The following WDR75 variants were observed in gnomAD, a reference collection of about 807,000 sequenced individuals.
WDR75 encodes the protein WD repeat domain 75, also known as WD repeat-containing protein 75.
WDR75 carries 52 observed loss-of-function variants against 106.1 expected under a neutral mutation model. That is an observed-to-expected ratio of 0.49 (90% CI 0.39 to 0.62). WDR75 has a LOEUF of 0.62. Among genes scored for constraint, WDR75 ranks in the 20% least tolerant of loss-of-function variants. The probability of loss-of-function intolerance (pLI) is 0.00; values close to 1 mark genes in which losing one functional copy is unlikely to be tolerated. For synonymous variants in WDR75, 333 were observed against 335.5 expected, an observed-to-expected ratio of 0.99 and a Z score of 0.08; for missense variants, 905 against 970.3, an observed-to-expected ratio of 0.93 and a Z score of 0.89.
chr2:189,464,054 T>G (rs1686952750), intron 11 of WDR75, 93 bp downstream of exon 11: 1 of 1,025,358 alleles, frequency 9.8e-7, no homozygotes, highest in South Asian at 1.4e-5. Context: ...TAAAACAAGA[T>G]CCTGTGCATA....
chr2:189,455,339 A>C lies in WDR75; in HGVS notation c.393A>C (p.Ser131=), dbSNP rs906665752. The C allele has an allele frequency of 1.9e-6, 3 of 1,613,996 alleles. No homozygotes were observed. The highest frequency in any genetic ancestry group is 1.7e-5 in the Admixed American group (1 of 59,996). ...KEKPDIFQLV[S]VKLPKSSSQE... ...GGCTAGATATATTTCAGCTGGTTTC[A>C]GTGAAACTGCCAAAATCCTCAAGCC... Residue 131 remains serine, a synonymous_variant, in exon 5 of 21, where the codon TCA becomes TCC. Coordinates refer to ENST00000314761, the MANE Select transcript of WDR75 (RefSeq NM_032168.3).
chr2:189,466,521 T>C lies in WDR75; in HGVS notation c.1386T>C (p.Val462=). 6.2e-7 allele frequency: 1 copy of C among 1,613,370 alleles called. No individual in the cohort carries two copies. The highest frequency in any genetic ancestry group is 8.5e-7 in the Non-Finnish European group (1 of 1,179,462). The change falls in exon 13 of 21, where the codon GTT becomes GTC. Residue 462 remains valine, a synonymous_variant. Coordinates refer to ENST00000314761, the MANE Select transcript of WDR75 (RefSeq NM_032168.3). ...NAEKSEQPTL[V]TASKDGYFKV... is the part of the protein sequence containing the mutation. ...AAAAATCTGAACAGCCCACCTTGGT[T>C]ACAGCTAGCAAAGATGGTTACTTCA...
intron 11 of WDR75, among the ~76,000 whole-genome samples, 172 bp from the exon 12 acceptor site, chr2:189,464,907 A>G (rs1479777471): frequency 2.0e-5 from 3 of 152,060 alleles, no homozygotes; most frequent in Non-Finnish European, 4.4e-5. Flanking sequence ...TTTAATGGCA[A>G]TTTTGGTGTC....
rs1428134527 is a variant in WDR75, at chr2:189,467,498, T to C, written c.1478T>C (p.Val493Ala). Residue 493 changes from valine to alanine, a missense_variant, in exon 14 of 21, where the codon GTT becomes GCT. By Grantham distance (64) the Val-to-Ala change is moderately conservative. Coordinates refer to ENST00000314761, the MANE Select transcript of WDR75 (RefSeq NM_032168.3). ...KKAVGWTCDF[V>A]GSYHKYQATN... ...GCTGTTGGCTGGACCTGTGACTTTGTTGGTAGTTATCACAAGTATCAAGCA... is the reference window on the plus strand; with the variant it reads ...GCTGTTGGCTGGACCTGTGACTTTGCTGGTAGTTATCACAAGTATCAAGCA... The C allele has an allele frequency of 6.2e-7, 1 of 1,603,812 alleles. No homozygotes were observed. Among genetic ancestry groups the C allele is most frequent in the Non-Finnish European group, 8.5e-7 (1 of 1,175,644 alleles).
At chr2:189,467,821 A>G (rs116384530) in intron 14 of WDR75, among the ~76,000 whole-genome samples, 173 bp downstream of exon 14, 4,094 of 152,274 alleles carry the variant, frequency 0.027, 72 homozygotes, top group Admixed American at 0.044. Flanking sequence ...CTGTGCCAAC[A>G]TTTCTGAAAT....
At chr2:189,467,705 T>C in intron 14 of WDR75, 57 bp downstream of exon 14, 8 of 1,454,592 alleles carry the variant, frequency 5.5e-6, no homozygotes, top group Non-Finnish European at 7.3e-6. Context: ...TAAACAAGTC[T>C]TAAAACTTTA....
At chr2:189,446,051 T>C (rs1175929242) in intron 1 of WDR75, among the ~76,000 whole-genome samples, 1 of 152,132 alleles carries the variant, frequency 6.6e-6, no homozygotes, top group Non-Finnish European at 1.5e-5. Flanking sequence ...CCCACCACTG[T>C]CTCAAGGAAG....
At chr2:189,470,978 A>C in intron 18 of WDR75, 100 bp downstream of exon 18, 1 of 848,476 alleles carries the variant, frequency 1.2e-6, no homozygotes, top group Non-Finnish European at 1.7e-6. Flanking sequence ...CTTGGCCCTA[A>C]AATAGAATTA....
chr2:189,461,148 A>T (rs554281088), intron 8 of WDR75, among the ~76,000 whole-genome samples: 1 of 152,228 alleles, frequency 6.6e-6, no homozygotes, highest in Non-Finnish European at 1.5e-5. Flanking sequence ...AAAATTTGAT[A>T]AAAACCCCAT....
At chr2:189,468,695 G>C (rs1687055246) in intron 15 of WDR75, 126 bp downstream of exon 15, 4 of 849,342 alleles carry the variant, frequency 4.7e-6, no homozygotes, top group Non-Finnish European at 7.3e-6. Flanking sequence ...TTTTTTACGT[G>C]ACATATGATG....
intron 3 of WDR75, 147 bp downstream of exon 3, chr2:189,451,115 A>C: frequency 9.0e-7 from 1 of 1,114,498 alleles, no homozygotes; most frequent in Non-Finnish European, 1.2e-6. Context: ...TAATTTGACT[A>C]TATAAAAATT....
intron 8 of WDR75, among the ~76,000 whole-genome samples, 188 bp from the exon 9 acceptor site, chr2:189,462,296 G>C (rs1686905908): frequency 6.6e-6 from 1 of 151,788 alleles, no homozygotes; most frequent in African/African-American, 2.4e-5. Flanking sequence ...GATATCACTG[G>C]AAAAAAAATT....
rs781361160 is a variant in WDR75, at chr2:189,465,067, T to A, written c.1114-12T>A. 17 of 1,542,604 alleles carry A rather than the reference T, an allele frequency of 1.1e-5. No individual in the cohort carries two copies. Among genetic ancestry groups the A allele is most frequent in the Non-Finnish European group, 1.1e-5 (13 of 1,142,858 alleles). On this transcript the variant is annotated splice_polypyrimidine_tract_variant and intron_variant, in intron 11 of 20. Coordinates refer to ENST00000314761, the MANE Select transcript of WDR75 (RefSeq NM_032168.3). ...TAAACATTTTGGTTTTTTGGTTTTT[T>A]TTACTCATCAGTTAGATATTATACA...
chr2:189,458,975 CT>C, intron 7 of WDR75, 103 bp downstream of exon 7: 1 of 1,321,896 alleles, frequency 7.6e-7, no homozygotes, highest in Non-Finnish European at 1.0e-6. Context: ...CCTCCCTTTC[CT>C]TTTTTGTGTG....
intron 1 of WDR75, among the ~76,000 whole-genome samples, chr2:189,446,068 C>T (rs2106110624): frequency 6.6e-6 from 1 of 152,264 alleles, no homozygotes; most frequent in East Asian, 1.9e-4. Context: ...GAAGCCATAT[C>T]TAAAGGACCT....
intron 1 of WDR75, among the ~76,000 whole-genome samples, chr2:189,447,173 A>G (rs1217868817): frequency 6.6e-6 from 1 of 152,246 alleles, no homozygotes; most frequent in Non-Finnish European, 1.5e-5. Context: ...GAGTACTGCT[A>G]TGAATATAAT....
intron 19 of WDR75, 149 bp downstream of exon 19, chr2:189,474,481 T>C (rs1687173585): frequency 1.9e-6 from 2 of 1,047,688 alleles, no homozygotes; most frequent in African/African-American, 1.6e-5. Context: ...TAACTTAACC[T>C]TGTGATCTGG....
Position 189,463,966 on chromosome 2 carries a change from G to C in WDR75, c.1113+5G>C. The stretch of plus-strand genomic sequence containing the variant: ...AGTGATAAACAGTTATACAATGTAA[G>C]ATTTTGATCATTAGCCTTGAAATTA... On this transcript the variant is annotated splice_donor_5th_base_variant and intron_variant, in intron 11 of 20. Transcript: ENST00000314761. 1 of 1,608,828 alleles carries C rather than the reference G, an allele frequency of 6.2e-7. No individual in the cohort carries two copies. The highest frequency in any genetic ancestry group is 8.5e-7 in the Non-Finnish European group (1 of 1,177,322).
intron 13 of WDR75, 38 bp downstream of exon 13, chr2:189,466,620 A>C: frequency 6.4e-7 from 1 of 1,559,136 alleles, no homozygotes; most frequent in Non-Finnish European, 8.7e-7. Flanking sequence ...AGTGTGCACA[A>C]TTTTAGGAAT....
Sources: allele counts gnomAD v4.1 joint callset (sites outside exome capture counted in the v4.1 genomes callset), GRCh38; gene constraint gnomAD v4.1.1; transcripts MANE v1.5; gene names NCBI Gene and HGNC (gene_info 2026-07-23, HGNC 2026-07-21).